The following KHDRBS2 variants were observed in gnomAD, a reference collection of about 807,000 sequenced individuals.
The protein encoded by KHDRBS2 is KH RNA binding domain containing, signal transduction associated 2.
A neutral mutation model predicts 44.3 loss-of-function variants in KHDRBS2; 26 were observed. That is an observed-to-expected ratio of 0.59 (90% CI 0.43 to 0.81). The LOEUF is 0.81. Among genes scored for constraint, KHDRBS2 ranks in the 40% least tolerant of loss-of-function variants. The pLI, the probability that KHDRBS2 is intolerant of heterozygous loss-of-function variation, is 0.00. For synonymous variants in KHDRBS2, 194 were observed against 151.1 expected (o/e 1.28, Z -2.08); for missense variants, 476 against 433.1 (o/e 1.10, Z -0.88).
chr6:61,715,433 C>T (rs749219921), intron 7 of KHDRBS2, among the ~76,000 whole-genome samples: 4 of 151,862 alleles, frequency 2.6e-5, no homozygotes, highest in Non-Finnish European at 4.4e-5. Context: ...CAGCTATATG[C>T]CCCAACACTT....
intron 4 of KHDRBS2, among the ~76,000 whole-genome samples, chr6:61,910,470 T>G (rs1250769196): frequency 1.3e-5 from 2 of 152,144 alleles, no homozygotes; most frequent in Non-Finnish European, 2.9e-5. Flanking sequence ...AAATGGTGAG[T>G]GACTGTAAAT....
rs538796376 is a variant in KHDRBS2 at position 61,952,210 on chromosome 6, G to A, written c.483+25856C>T. On this transcript the variant is annotated intron_variant, in intron 4 of 8. Coordinates refer to ENST00000281156, the MANE Select transcript of KHDRBS2 (RefSeq NM_152688.4). Reference sequence around the variant, plus strand: ...TTATATAAAACTAATTGTTTTTAAAGGGTGGGTTAGGAGAACTTTTCAGTT... The same window carrying A: ...TTATATAAAACTAATTGTTTTTAAAAGGTGGGTTAGGAGAACTTTTCAGTT... 3.9e-5 allele frequency among the ~76,000 whole-genome samples: 6 copies of A among 152,060 alleles called. 1 individual carries two copies. The highest frequency in any genetic ancestry group is 1.2e-4 in the African/African-American group (5 of 41,514).
At chr6:61,996,634 TATC>T (rs1352592892) in intron 3 of KHDRBS2, among the ~76,000 whole-genome samples, 2 of 152,210 alleles carry the variant, frequency 1.3e-5, no homozygotes, top group African/African-American at 2.4e-5. Context: ...CACTCTGATT[TATC>T]ATCATTTTCT....
At chr6:61,827,074 C>T (rs1790995524) in intron 6 of KHDRBS2, among the ~76,000 whole-genome samples, 3 of 152,152 alleles carry the variant, frequency 2.0e-5, no homozygotes. Context: ...ATTTCAATCA[C>T]CTCGTGCTGG....
chr6:62,281,723 C>T (rs1159041123), intron 1 of KHDRBS2, among the ~76,000 whole-genome samples: 4 of 152,030 alleles, frequency 2.6e-5, no homozygotes, highest in Non-Finnish European at 5.9e-5. Context: ...GTTTTTTCAT[C>T]TTAAAAGAAC....
chr6:61,664,748 C>G, the KHDRBS2 span, among the ~76,000 whole-genome samples: 1 of 151,680 alleles, frequency 6.6e-6, no homozygotes, highest in East Asian at 2.0e-4. Flanking sequence ...CTTTTGATTA[C>G]AAAGCAATGA....
chr6:61,782,975 G>A (rs1783242531), intron 6 of KHDRBS2, among the ~76,000 whole-genome samples: 2 of 151,632 alleles, frequency 1.3e-5, no homozygotes, highest in Non-Finnish European at 2.9e-5. Context: ...CATTACATTG[G>A]CCAAAGTGAT....
chr6:62,255,788 C>T (rs1563143812), intron 1 of KHDRBS2, among the ~76,000 whole-genome samples: 1 of 151,898 alleles, frequency 6.6e-6, no homozygotes, highest in Non-Finnish European at 1.5e-5. Context: ...ATCCTATACG[C>T]TTTTACATAA....
chr6:61,643,470 G>A, the KHDRBS2 span, among the ~76,000 whole-genome samples: 1 of 152,120 alleles, frequency 6.6e-6, no homozygotes, highest in Non-Finnish European at 1.5e-5. Flanking sequence ...AGAGCAATCA[G>A]GCAAGAGAAA....
the KHDRBS2 span, among the ~76,000 whole-genome samples, chr6:61,646,291 A>G: frequency 6.6e-6 from 1 of 152,190 alleles, no homozygotes; most frequent in Non-Finnish European, 1.5e-5. Flanking sequence ...ATTGTTTTCT[A>G]CAATGAACAC....
At chr6:62,091,623 A>G (rs953212697) in intron 2 of KHDRBS2, among the ~76,000 whole-genome samples, 3 of 152,158 alleles carry the variant, frequency 2.0e-5, no homozygotes, top group Non-Finnish European at 4.4e-5. Flanking sequence ...TAGATTTCAA[A>G]TTTTCACAAC....
At chr6:62,106,371 T>C (rs952856115) in intron 2 of KHDRBS2, among the ~76,000 whole-genome samples, 3 of 152,052 alleles carry the variant, frequency 2.0e-5, no homozygotes, top group Non-Finnish European at 2.9e-5. Flanking sequence ...CTAATGTGGA[T>C]AGTGGGGTGT....
At chr6:61,752,230 G>A (rs192340512) in intron 6 of KHDRBS2, among the ~76,000 whole-genome samples, 1 of 152,248 alleles carries the variant, frequency 6.6e-6, no homozygotes, top group African/African-American at 2.4e-5. Flanking sequence ...AGTCTAGTCA[G>A]ATTTCCATGA....
At chr6:62,154,903 T>C (rs1297414141) in intron 2 of KHDRBS2, among the ~76,000 whole-genome samples, 1 of 152,168 alleles carries the variant, frequency 6.6e-6, no homozygotes, top group African/African-American at 2.4e-5. Context: ...ACCATGCAAG[T>C]CATACAAAAA....
In KHDRBS2 at chr6:61,873,159, TTAAA is replaced by T. The variant is rs1798907081; in HGVS notation, c.810+21472_810+21475del. ...AAATCATGGTCTATTAAAAGAAAAC[TTAAA>T]TATTCTACCACATTTAAATAATAAC... is the stretch of plus-strand genomic sequence containing the variant. On this transcript the variant is annotated intron_variant, in intron 6 of 8. Coordinates refer to ENST00000281156, the MANE Select transcript of KHDRBS2 (RefSeq NM_152688.4). Among the ~76,000 whole-genome samples, 3 of 152,080 alleles carry T rather than the reference TTAAA, an allele frequency of 2.0e-5. No homozygotes were observed. The South Asian group carries it at 6.2e-4, about 32-fold the overall frequency.
intron 2 of KHDRBS2, among the ~76,000 whole-genome samples, chr6:62,128,062 T>C (rs1809385681): frequency 6.6e-6 from 1 of 152,176 alleles, no homozygotes; most frequent in Non-Finnish European, 1.5e-5. Flanking sequence ...ATGATTCTAA[T>C]GCAGAAACAG....
At position 62,204,259 on chromosome 6, in the gene KHDRBS2, T is replaced by C. The variant is rs1351012076; in HGVS notation, c.92-26947A>G. On this transcript the variant is annotated intron_variant, in intron 1 of 8. Coordinates refer to ENST00000281156, the MANE Select transcript of KHDRBS2 (RefSeq NM_152688.4). ...AACTTACTAAAAGAGGATGAAGTGA[T>C]ATCAAAGATCTGTTGGAATGCACTG... 8.5e-5 allele frequency among the ~76,000 whole-genome samples: 13 copies of C among 152,326 alleles called. No individual in the cohort carries two copies. In the East Asian group the frequency reaches 2.5e-3, roughly 29 times the overall value.
At chr6:62,113,067 A>G (rs1805388588) in intron 2 of KHDRBS2, among the ~76,000 whole-genome samples, 1 of 152,136 alleles carries the variant, frequency 6.6e-6, no homozygotes, top group Non-Finnish European at 1.5e-5. Flanking sequence ...GTTAAAGCCA[A>G]TGAAGCTGCC....
chr6:62,015,536 G>A (rs1285334063), intron 3 of KHDRBS2, among the ~76,000 whole-genome samples: 1 of 152,062 alleles, frequency 6.6e-6, no homozygotes, highest in Non-Finnish European at 1.5e-5. Context: ...TTCATGATCA[G>A]CCCTCCATCT....
Sources: gnomAD v4.1 joint callset for allele counts (sites outside exome capture counted in the v4.1 genomes callset) on GRCh38, gnomAD v4.1.1 for gene constraint, MANE v1.5 for transcripts, NCBI Gene and HGNC (gene_info 2026-07-23, HGNC 2026-07-21) for gene names.